Variants in PTPRG observed in about 807,000 individuals in gnomAD.
The protein encoded by PTPRG is receptor-type tyrosine-protein phosphatase gamma.
A neutral mutation model predicts 165.3 loss-of-function variants in PTPRG; 102 were observed. That is an observed-to-expected ratio of 0.62 (90% confidence interval 0.53 to 0.73). The LOEUF (loss-of-function observed/expected upper bound fraction) is 0.73, where lower values mean the gene tolerates loss of function less well. Ranked by LOEUF, PTPRG falls within the 30% of genes least tolerant of loss-of-function variation. The pLI, the probability that PTPRG is intolerant of heterozygous loss-of-function variation, is 0.00. For synonymous variants in PTPRG, 675 were observed against 669.5 expected, an observed-to-expected ratio of 1.01 and a Z score of -0.13; for missense variants, 1,866 against 1,861.4, an observed-to-expected ratio of 1.00 and a Z score of -0.05.
rs115552572 is a variant in PTPRG, at chr3:61,668,006, C to G, written c.86-80872C>G. Among the ~76,000 whole-genome samples, 880 of 152,216 alleles carry G rather than the reference C, an allele frequency of 5.8e-3. 12 individuals are homozygous for G. The highest frequency in any genetic ancestry group is 0.02 in the African/African-American group (851 of 41,522). On this transcript the variant is annotated intron_variant, in intron 1 of 29. Transcript: ENST00000474889. ...GAATAGAGCCCCTGCTATTTGTTGA[C>G]TTATTGTCTATGGCTGTTTTCTTGC...
intron 1 of PTPRG, among the ~76,000 whole-genome samples, chr3:61,637,747 G>A (rs1182885611): frequency 6.6e-6 from 1 of 152,008 alleles, no homozygotes; most frequent in East Asian, 1.9e-4. Flanking sequence ...TGTGTTTATC[G>A]TTGTTGGCCA....
At chr3:61,936,982 G>A (rs1233374595) in intron 2 of PTPRG, among the ~76,000 whole-genome samples, 2 of 152,162 alleles carry the variant, frequency 1.3e-5, no homozygotes, top group African/African-American at 2.4e-5. Context: ...ATCCCCACAG[G>A]TATCTTGCGA....
At chr3:61,956,430 C>A (rs550021762) in intron 2 of PTPRG, among the ~76,000 whole-genome samples, 1 of 148,990 alleles carries the variant, frequency 6.7e-6, no homozygotes. Context: ...TTGGTCATTA[C>A]TATTCTTGCC....
intron 1 of PTPRG, among the ~76,000 whole-genome samples, chr3:61,592,954 A>G (rs945128845): frequency 6.6e-6 from 1 of 152,022 alleles, no homozygotes. Flanking sequence ...TGGGCAGGCA[A>G]AAACAATATA....
Position 62,273,981 on chromosome 3 carries a change from G to A in PTPRG, c.3465+137G>A, listed in dbSNP as rs931456741. ...TTTGTACTCCTTGTACTCCTTAAAT[G>A]TGATGAAAAAGAAAATACGGTTTTG... On this transcript the variant is annotated intron_variant, in intron 23 of 29. Coordinates refer to ENST00000474889, the MANE Select transcript of PTPRG (RefSeq NM_002841.4). The surrounding 1 kb of genome is among the most constrained non-coding windows in gnomAD (Gnocchi z 4.1). 2 of 849,774 alleles carry A rather than the reference G, an allele frequency of 2.4e-6. No individual in the cohort carries two copies. Among genetic ancestry groups the A allele is most frequent in the Non-Finnish European group, 3.6e-6 (2 of 562,358 alleles). The allele number at this position is 849,774 out of a possible 1,614,324, so 52.6% of individuals were successfully genotyped here. A position where few individuals can be genotyped will look rare whatever the true frequency, so the allele number is the denominator to read the frequency against.
At chr3:61,581,941 C>T (rs2106798846) in intron 1 of PTPRG, among the ~76,000 whole-genome samples, 1 of 151,616 alleles carries the variant, frequency 6.6e-6, no homozygotes, top group South Asian at 2.1e-4. Flanking sequence ...ATGTACTGTA[C>T]TCTTATTTTA....
At chr3:62,064,036 G>C (rs975135950) in intron 4 of PTPRG, among the ~76,000 whole-genome samples, 3 of 152,126 alleles carry the variant, frequency 2.0e-5, no homozygotes, top group Non-Finnish European at 2.9e-5. Context: ...TCCCTAAATG[G>C]ATCTATTAGA....
chr3:62,155,175 T>C (rs1393053835), intron 6 of PTPRG, among the ~76,000 whole-genome samples: 1 of 152,212 alleles, frequency 6.6e-6, no homozygotes, highest in Non-Finnish European at 1.5e-5. Context: ...TTGAAGACTT[T>C]TGCATTTATT....
intron 4 of PTPRG, among the ~76,000 whole-genome samples, chr3:62,048,386 A>G (rs555825528): frequency 6.6e-6 from 1 of 152,284 alleles, no homozygotes; most frequent in East Asian, 1.9e-4. Flanking sequence ...AATACAGAAC[A>G]GTTTAGAGTA....
intron 1 of PTPRG, among the ~76,000 whole-genome samples, chr3:61,583,638 T>G (rs1653424691): frequency 6.6e-6 from 1 of 152,270 alleles, no homozygotes; most frequent in Non-Finnish European, 1.5e-5. Context: ...ATCTGCTGAT[T>G]AAGGAGCTCT....
intron 1 of PTPRG, among the ~76,000 whole-genome samples, chr3:61,695,843 TAATC>T (rs1212744194): frequency 6.6e-6 from 1 of 152,206 alleles, no homozygotes; most frequent in East Asian, 1.9e-4. Context: ...TGTACAGAAT[TAATC>T]AATTTTGAGA....
At chr3:61,964,177 G>A (rs1247961702) in intron 2 of PTPRG, among the ~76,000 whole-genome samples, 1 of 152,172 alleles carries the variant, frequency 6.6e-6, no homozygotes, top group African/African-American at 2.4e-5. Context: ...CAGAAACATA[G>A]AACTAAGTTG....
chr3:61,669,167 G>A (rs1194358143), intron 1 of PTPRG, among the ~76,000 whole-genome samples: 1 of 152,172 alleles, frequency 6.6e-6, no homozygotes, highest in Non-Finnish European at 1.5e-5. Flanking sequence ...TTGCTTGAGA[G>A]TGGACTAAGG....
intron 24 of PTPRG, chr3:62,276,567 C>G (rs1351795078): frequency 5.8e-6 from 1 of 172,634 alleles, no homozygotes; most frequent in East Asian, 1.7e-4. Context: ...AAAAAGGCCA[C>G]TCTTTTCTAA....
chr3:62,122,668 C>A (rs535821662), intron 5 of PTPRG, among the ~76,000 whole-genome samples: 2 of 152,270 alleles, frequency 1.3e-5, no homozygotes, highest in Admixed American at 1.3e-4. Context: ...AATTCTATAT[C>A]CCAGAATTGA....
intron 2 of PTPRG, among the ~76,000 whole-genome samples, chr3:61,866,582 C>CCT (rs2037414568): frequency 1.4e-5 from 1 of 69,068 alleles, no homozygotes; most frequent in East Asian, 5.6e-4. Context: ...ACTGTTTGCT[C>CCT]TTTTTTTTTT....
At chr3:61,798,411 G>T (rs1016737801) in intron 2 of PTPRG, among the ~76,000 whole-genome samples, 1 of 152,142 alleles carries the variant, frequency 6.6e-6, no homozygotes, top group African/African-American at 2.4e-5. Context: ...GGCTTTTAGG[G>T]TATGGACAGT....
At chr3:61,854,053 GAGAA>G in intron 2 of PTPRG, among the ~76,000 whole-genome samples, 1 of 152,202 alleles carries the variant, frequency 6.6e-6, no homozygotes, top group East Asian at 1.9e-4. Context: ...CCATTCAAAA[GAGAA>G]AGGCCTGTTT....
chr3:61,974,552 T>TA (rs34814944), intron 2 of PTPRG, among the ~76,000 whole-genome samples: 12 of 145,708 alleles, frequency 8.2e-5, no homozygotes, highest in East Asian at 6.0e-4. Flanking sequence ...GATTCCATCT[T>TA]AAAAAAAAAA....
Sources: allele counts gnomAD v4.1 joint callset (sites outside exome capture counted in the v4.1 genomes callset), GRCh38; gene constraint gnomAD v4.1.1; non-coding constraint Gnocchi (gnomAD v3.1); transcripts MANE v1.5; gene names NCBI Gene and HGNC (gene_info 2026-07-23, HGNC 2026-07-21).